USP25: variants seen among roughly 807,000 people sequenced by gnomAD.
The protein encoded by USP25 is ubiquitin specific peptidase 25, also known as ubiquitin carboxyl-terminal hydrolase 25.
A neutral mutation model predicts 158.5 loss-of-function variants in USP25; 85 were observed. That is an observed-to-expected ratio of 0.54 (90% CI 0.45 to 0.64). The LOEUF (loss-of-function observed/expected upper bound fraction) is 0.64. USP25 is among the 30% of genes least tolerant of loss of function. The pLI, the probability that USP25 is intolerant of heterozygous loss-of-function variation, is 0.00. For synonymous variants in USP25, 464 were observed against 460.4 expected, an observed-to-expected ratio of 1.01 and a Z score of -0.10; for missense variants, 1,242 against 1,327.3, an observed-to-expected ratio of 0.94 and a Z score of 1.00.
intron 5 of USP25, among the ~76,000 whole-genome samples, chr21:15,795,965 T>C (rs1259365366): frequency 1.3e-5 from 2 of 151,524 alleles, no homozygotes; most frequent in Non-Finnish European, 3.0e-5. Flanking sequence ...TCCTCTGCAC[T>C]CTTGCCATCA....
At chr21:15,737,165 C>T (rs1211430374) in intron 1 of USP25, among the ~76,000 whole-genome samples, 1 of 151,830 alleles carries the variant, frequency 6.6e-6, no homozygotes, top group Admixed American at 6.6e-5. Context: ...TCAAATGTTT[C>T]TTCTCTCCCA....
At chr21:15,817,248 T>A (rs1438032185) in intron 9 of USP25, among the ~76,000 whole-genome samples, 1 of 152,174 alleles carries the variant, frequency 6.6e-6, no homozygotes, top group African/African-American at 2.4e-5. Context: ...GATATTTTCC[T>A]TCTTACCTAT....
intron 1 of USP25, among the ~76,000 whole-genome samples, chr21:15,756,045 T>A (rs1261080244): frequency 6.6e-6 from 1 of 152,156 alleles, no homozygotes. Flanking sequence ...TTGTCTTTGT[T>A]ATATAGATAA....
chr21:15,777,571 T>C (rs980941444), intron 3 of USP25, among the ~76,000 whole-genome samples: 1 of 152,200 alleles, frequency 6.6e-6, no homozygotes, highest in African/African-American at 2.4e-5. Flanking sequence ...TGTTTAATTG[T>C]ATTGATTTCA....
At chr21:15,741,564 T>C (rs1319101929) in intron 1 of USP25, among the ~76,000 whole-genome samples, 1 of 152,220 alleles carries the variant, frequency 6.6e-6, no homozygotes, top group Non-Finnish European at 1.5e-5. Flanking sequence ...ATTGTGGTAG[T>C]AATTGTATAT....
intron 1 of USP25, among the ~76,000 whole-genome samples, chr21:15,752,686 T>C (rs2033110547): frequency 6.6e-6 from 1 of 152,214 alleles, no homozygotes. Flanking sequence ...ATCTCATTTC[T>C]TTTTTCTGGA....
Position 15,859,944 on chromosome 21 carries a change from C to T in USP25, c.2548-4324C>T, listed in dbSNP as rs139186795. Among the ~76,000 whole-genome samples, 833 of 141,410 alleles carry T rather than the reference C, an allele frequency of 5.9e-3. 27 individuals carry two copies. The East Asian group carries it at 0.11, about 18-fold the overall frequency. 92.8% of individuals were successfully genotyped at this position (141,410 alleles called of 152,430 possible). ...TTTTTCTAAATTCTTGAAATCTTTT[C>T]TATATTTAAATTGGATATATATATG... On this transcript the variant is annotated intron_variant, in intron 20 of 25. Coordinates refer to ENST00000400183, the MANE Select transcript of USP25 (RefSeq NM_001283041.3).
At chr21:15,773,840 CA>C (rs760746288) in intron 3 of USP25, among the ~76,000 whole-genome samples, 3 of 152,164 alleles carry the variant, frequency 2.0e-5, no homozygotes, top group Non-Finnish European at 4.4e-5. Context: ...ATGAAAAACA[CA>C]TTTGCTGAAA....
intron 4 of USP25, among the ~76,000 whole-genome samples, chr21:15,780,016 A>T (rs1039784451): frequency 1.3e-5 from 2 of 152,160 alleles, no homozygotes; most frequent in African/African-American, 4.8e-5. Flanking sequence ...ATATTTGCTC[A>T]TATGGGTTTA....
At chr21:15,730,462 G>T in intron 1 of USP25, 24 bp downstream of exon 1, 2 of 1,342,694 alleles carry the variant, frequency 1.5e-6, no homozygotes, top group South Asian at 3.8e-5. Context: ...GCCAGCCGGC[G>T]GGCCCCACTT....
chr21:15,804,204 A>G (rs1482683733), intron 6 of USP25, among the ~76,000 whole-genome samples: 6 of 151,908 alleles, frequency 3.9e-5, no homozygotes, highest in Non-Finnish European at 8.8e-5. Context: ...TTTTGCTTTA[A>G]TGAGCCAGTA....
intron 1 of USP25, among the ~76,000 whole-genome samples, chr21:15,746,000 A>G (rs2032527329): frequency 6.6e-6 from 1 of 152,186 alleles, no homozygotes; most frequent in African/African-American, 2.4e-5. Flanking sequence ...ACCTTTATGG[A>G]AAATTAATTG....
At chr21:15,799,464 T>C (rs1171085338) in intron 5 of USP25, 1 of 193,966 alleles carries the variant, frequency 5.2e-6, no homozygotes, top group East Asian at 1.2e-4. Context: ...ATTTGCATAC[T>C]CTTTATTTTG....
intron 1 of USP25, among the ~76,000 whole-genome samples, chr21:15,736,013 CATATAT>C (rs142151083): frequency 7.2e-6 from 1 of 138,460 alleles, no homozygotes; most frequent in Non-Finnish European, 1.5e-5. Context: ...TATGTATGTA[CATATAT>C]ATATATGTAT....
chr21:15,758,064 A>G (rs1438077161), intron 1 of USP25, among the ~76,000 whole-genome samples: 1 of 152,200 alleles, frequency 6.6e-6, no homozygotes, highest in Non-Finnish European at 1.5e-5. Context: ...GATCTGCATC[A>G]AAATCATTTG....
intron 4 of USP25, among the ~76,000 whole-genome samples, chr21:15,781,727 G>A (rs2034975860): frequency 6.6e-6 from 1 of 152,104 alleles, no homozygotes; most frequent in South Asian, 2.1e-4. Flanking sequence ...TCTTCTTATA[G>A]GAAGAAGGTA....
chr21:15,789,160 TA>T (rs1343625280), intron 4 of USP25, among the ~76,000 whole-genome samples: 1 of 152,078 alleles, frequency 6.6e-6, no homozygotes, highest in Non-Finnish European at 1.5e-5. Context: ...ATTATCTCAG[TA>T]TATCAATGTG....
chr21:15,762,657 G>C (rs1020015493), intron 1 of USP25, among the ~76,000 whole-genome samples: 1 of 152,178 alleles, frequency 6.6e-6, no homozygotes, highest in African/African-American at 2.4e-5. Flanking sequence ...GAGTAATGTA[G>C]AGAAGTTACC....
intron 20 of USP25, among the ~76,000 whole-genome samples, chr21:15,862,829 G>T (rs1353190601): frequency 6.7e-6 from 1 of 148,558 alleles, no homozygotes; most frequent in Non-Finnish European, 1.5e-5. Context: ...ATCTTATGCT[G>T]CATAGAAAGA....
Sources: gnomAD v4.1 joint callset for allele counts (sites outside exome capture counted in the v4.1 genomes callset) on GRCh38, gnomAD v4.1.1 for gene constraint, MANE v1.5 for transcripts, NCBI Gene and HGNC (gene_info 2026-07-23, HGNC 2026-07-21) for gene names.